Variants in PDE8B observed in about 807,000 individuals in gnomAD.
PDE8B encodes the protein phosphodiesterase 8B, also known as high affinity cAMP-specific and IBMX-insensitive 3',5'-cyclic phosphodiesterase 8B.
PDE8B carries 26 observed loss-of-function variants against 101.3 expected under a neutral mutation model. The ratio of observed to expected loss-of-function variants is 0.26; its 90% CI spans 0.19 to 0.36. PDE8B has a LOEUF of 0.36. PDE8B is among the 10% of genes least tolerant of loss of function. The probability of loss-of-function intolerance (pLI) is 1.00; values close to 1 mark genes in which losing one functional copy is unlikely to be tolerated. For synonymous variants in PDE8B, 424 were observed against 429.3 expected (o/e 0.99, Z 0.15); for missense variants, 810 against 1,163.1 (o/e 0.70, Z 4.42).
chr5:77,274,417 GACTGACATATTCATTCATTCC>G (rs1421323557), intron 1 of PDE8B, among the ~76,000 whole-genome samples: 4 of 152,232 alleles, frequency 2.6e-5, no homozygotes, highest in South Asian at 2.1e-4. Flanking sequence ...CCATTCATAA[GACTGACATATTCATTCATTCC>G]ACTGACATAT....
At position 77,349,569 on chromosome 5, in the gene PDE8B, A is replaced by G. The variant is rs767322504; in HGVS notation, c.1017+10A>G. On this transcript the variant is annotated intron_variant, in intron 8 of 21. Transcript: ENST00000264917. ...CATCAAGAAGGGAAAGGTGGGTTAC[A>G]CCAGCAAAACCAATCCACGAACCCT... is the stretch of plus-strand genomic sequence containing the variant. 1 of 1,614,160 alleles carries G rather than the reference A, an allele frequency of 6.2e-7. No homozygotes were observed. Among genetic ancestry groups the G allele is most frequent in the Non-Finnish European group, 8.5e-7 (1 of 1,179,998 alleles).
At chr5:77,183,300 A>G in the PDE8B span, among the ~76,000 whole-genome samples, 10 of 152,122 alleles carry the variant, frequency 6.6e-5, no homozygotes, top group South Asian at 4.2e-4. Flanking sequence ...TTGTATTTTC[A>G]GTAGAGACAG....
chr5:77,328,855 T>A (rs1776569379), intron 3 of PDE8B, 143 bp from the exon 4 acceptor site: 2 of 738,740 alleles, frequency 2.7e-6, no homozygotes, highest in Admixed American at 2.0e-5. Context: ...GGCATCTTTC[T>A]TTGTTGTCTT....
chr5:77,108,745 CTATAA>C, the PDE8B span, among the ~76,000 whole-genome samples: 19 of 150,876 alleles, frequency 1.3e-4, no homozygotes, highest in Admixed American at 4.6e-4. Flanking sequence ...CATATTTGTG[CTATAA>C]TATGTTATTT....
chr5:77,374,547 A>T (rs1379989077), intron 10 of PDE8B, among the ~76,000 whole-genome samples: 4 of 152,160 alleles, frequency 2.6e-5, no homozygotes, highest in African/African-American at 9.7e-5. Flanking sequence ...CCTGGGGATT[A>T]CTATATACAT....
At chr5:77,395,337 A>T (rs13179071) in intron 10 of PDE8B, among the ~76,000 whole-genome samples, 4 of 28,034 alleles carry the variant, frequency 1.4e-4, no homozygotes, top group East Asian at 1.4e-3. Context: ...GGATGGTCTC[A>T]ATCTCCTGAC....
At chr5:77,216,880 G>T (rs1361980710) in intron 1 of PDE8B, among the ~76,000 whole-genome samples, 2 of 152,186 alleles carry the variant, frequency 1.3e-5, no homozygotes, top group African/African-American at 4.8e-5. Context: ...AGGGGCAAAT[G>T]AAAAATATCC....
the PDE8B span, among the ~76,000 whole-genome samples, chr5:77,156,893 A>T: frequency 0.012 from 1,819 of 152,214 alleles, 39 homozygotes; most frequent in African/African-American, 0.042. Context: ...AGGTGCTGGG[A>T]CAGGCTGGAG....
chr5:77,157,670 A>G, the PDE8B span, among the ~76,000 whole-genome samples: 1 of 152,238 alleles, frequency 6.6e-6, no homozygotes, highest in African/African-American at 2.4e-5. Flanking sequence ...GGCATACAAT[A>G]GGTGCTTAAT....
chr5:77,404,739 T>C lies in PDE8B; in HGVS notation c.1230T>C (p.Tyr410=), dbSNP rs768478729. The change falls in exon 12 of 22, where the codon TAT becomes TAC. Residue 410 remains tyrosine (Y), a synonymous_variant. Coordinates refer to ENST00000264917, the MANE Select transcript of PDE8B (RefSeq NM_003719.5). ...NSQTEPHSFR[Y]KNRRKESIDV... ...CCTTAGAGCCTCATTCATTCAGATA[T>C]AAGAACAGGAGGAAAGAGTCCATTG... 1.2e-6 allele frequency: 2 copies of C among 1,602,522 alleles called. No individual in the cohort carries two copies. The highest frequency in any genetic ancestry group is 1.7e-6 in the Non-Finnish European group (2 of 1,169,516).
the PDE8B span, chr5:77,144,990 G>A: frequency 1.0e-3 from 156 of 151,936 alleles, 2 homozygotes; most frequent in African/African-American, 3.5e-3. Flanking sequence ...CTCCCTAAAC[G>A]ACTAAAAATG....
intron 10 of PDE8B, among the ~76,000 whole-genome samples, chr5:77,364,139 C>T (rs1783672154): frequency 6.6e-6 from 1 of 152,156 alleles, no homozygotes; most frequent in Admixed American, 6.5e-5. Context: ...CTGCGTAGCT[C>T]CTTGAAGGCC....
At chr5:77,278,154 G>C (rs572250695) in intron 1 of PDE8B, among the ~76,000 whole-genome samples, 2 of 152,088 alleles carry the variant, frequency 1.3e-5, no homozygotes, top group Non-Finnish European at 1.5e-5. Flanking sequence ...CCGAGTTCAC[G>C]TTCAAGTTTA....
At chr5:77,352,158 G>A (rs1244901104) in intron 9 of PDE8B, among the ~76,000 whole-genome samples, 1 of 152,214 alleles carries the variant, frequency 6.6e-6, no homozygotes, top group African/African-American at 2.4e-5. Context: ...CCTGACCGAG[G>A]TTGTGAGCTG....
At chr5:77,399,944 C>G (rs1791893623) in intron 10 of PDE8B, among the ~76,000 whole-genome samples, 1 of 152,152 alleles carries the variant, frequency 6.6e-6, no homozygotes, top group Non-Finnish European at 1.5e-5. Context: ...TATCTTTCTG[C>G]ATTTCTGTAG....
chr5:77,290,280 C>A (rs1349409035), intron 1 of PDE8B: 1 of 1,557,662 alleles, frequency 6.4e-7, no homozygotes, highest in East Asian at 2.3e-5. Flanking sequence ...GTCCACTCTC[C>A]TCATCAATCA....
the PDE8B span, among the ~76,000 whole-genome samples, chr5:77,188,621 G>A: frequency 2.0e-5 from 3 of 152,138 alleles, no homozygotes; most frequent in African/African-American, 7.2e-5. Context: ...AAGATCTCAC[G>A]GCTGCAAGGA....
At chr5:77,163,338 G>C in the PDE8B span, among the ~76,000 whole-genome samples, 2 of 152,074 alleles carry the variant, frequency 1.3e-5, no homozygotes, top group Admixed American at 6.6e-5. Flanking sequence ...TTAAGGGTAG[G>C]GTTCTTACAT....
the PDE8B span, among the ~76,000 whole-genome samples, chr5:77,166,109 G>A: frequency 6.6e-6 from 1 of 151,694 alleles, no homozygotes; most frequent in South Asian, 2.1e-4. Context: ...CTTAGGTTGA[G>A]GAGAAGCAGA....
Sources: allele counts gnomAD v4.1 joint callset (sites outside exome capture counted in the v4.1 genomes callset), GRCh38; gene constraint gnomAD v4.1.1; transcripts MANE v1.5; gene names NCBI Gene and HGNC (gene_info 2026-07-23, HGNC 2026-07-21).